ZC3H12B: variants seen among roughly 807,000 people sequenced by gnomAD.
ZC3H12B encodes zinc finger CCCH-type containing 12B.
Under a neutral mutation model 43.9 loss-of-function variants are expected in ZC3H12B, and 7 were observed. The ratio of observed to expected loss-of-function variants is 0.16; its 90% confidence interval spans 0.09 to 0.30. The LOEUF is 0.30. ZC3H12B is among the 10% of genes least tolerant of loss of function. The pLI is 1.00. For synonymous variants in ZC3H12B, 222 were observed against 241.7 expected, an observed-to-expected ratio of 0.92 and a Z score of 0.76; for missense variants, 475 against 670.2, an observed-to-expected ratio of 0.71 and a Z score of 3.22.
the ZC3H12B span, among the ~76,000 whole-genome samples, chrX:65,040,797 G>A: frequency 1.8e-5 from 2 of 111,173 alleles, no homozygotes; most frequent in Non-Finnish European, 3.8e-5. Context: ...TTGGGAGGGG[G>A]GAGTTGAGAC....
chrX:65,423,854 T>C (rs973757364), intron 3 of ZC3H12B, among the ~76,000 whole-genome samples: 3 of 112,249 alleles, frequency 2.7e-5, no homozygotes, highest in African/African-American at 3.2e-5. Flanking sequence ...CTCTTTAGTT[T>C]AATTAGATCC....
intron 3 of ZC3H12B, among the ~76,000 whole-genome samples, chrX:65,435,809 C>A (rs1441218125): frequency 9.0e-6 from 1 of 111,616 alleles, no homozygotes; most frequent in African/African-American, 3.3e-5. Context: ...CCAGAGAAGA[C>A]AATAGGTTAG....
intron 3 of ZC3H12B, among the ~76,000 whole-genome samples, chrX:65,457,903 T>C (rs535118435): frequency 4.9e-5 from 3 of 61,765 alleles, no homozygotes; most frequent in South Asian, 8.7e-4. Flanking sequence ...TCCCTAATCT[T>C]AAGTACCCAG....
chrX:65,035,422 C>T, the ZC3H12B span, among the ~76,000 whole-genome samples: 1 of 112,461 alleles, frequency 8.9e-6, no homozygotes, highest in Non-Finnish European at 1.9e-5. Context: ...AGGTAGTTTT[C>T]CTTCTCATAG....
the ZC3H12B span, chrX:65,330,958 G>T: frequency 3.2e-6 from 1 of 310,758 alleles, no homozygotes; most frequent in Non-Finnish European, 6.4e-6. Flanking sequence ...CTTCTTTCCT[G>T]GGGCAGCCCC....
At chrX:65,363,587 C>T (rs1254828402), upstream of ZC3H12B, among the ~76,000 whole-genome samples, 2 of 111,824 alleles carry the variant, frequency 1.8e-5, no homozygotes, top group Non-Finnish European at 3.8e-5. Context: ...TTAGAGACTG[C>T]TCCCACACTA....
chrX:65,098,485 C>T, the ZC3H12B span, among the ~76,000 whole-genome samples: 5 of 110,340 alleles, frequency 4.5e-5, no homozygotes, highest in African/African-American at 1.6e-4. Context: ...ACTGTCCAGT[C>T]TGCAGCTCCC....
chrX:65,135,823 A>T, the ZC3H12B span, among the ~76,000 whole-genome samples: 1 of 93,013 alleles, frequency 1.1e-5, no homozygotes, highest in African/African-American at 4.2e-5. Context: ...CATCCTCTTC[A>T]TTCTGTTGAG....
the ZC3H12B span, among the ~76,000 whole-genome samples, chrX:65,199,397 T>G: frequency 9.0e-6 from 1 of 110,525 alleles, no homozygotes; most frequent in East Asian, 2.9e-4. Flanking sequence ...TTTTCTGTGT[T>G]ATCTTGAATT....
chrX:65,163,082 G>A, the ZC3H12B span, among the ~76,000 whole-genome samples: 3 of 111,304 alleles, frequency 2.7e-5, no homozygotes, highest in Non-Finnish European at 5.7e-5. Context: ...CAGAACAGCG[G>A]ATTTTTGTGA....
At chrX:65,194,863 A>G in the ZC3H12B span, among the ~76,000 whole-genome samples, 1 of 111,944 alleles carries the variant, frequency 8.9e-6, no homozygotes, top group Non-Finnish European at 1.9e-5. Flanking sequence ...TTGGATGCAT[A>G]TATATTTAAA....
intron 3 of ZC3H12B, among the ~76,000 whole-genome samples, chrX:65,474,861 C>A (rs2067971954): frequency 8.9e-6 from 1 of 112,497 alleles, no homozygotes; most frequent in African/African-American, 3.2e-5. Flanking sequence ...CCTGCCTTGG[C>A]ATCCCAAAAT....
the ZC3H12B span, among the ~76,000 whole-genome samples, chrX:65,361,223 G>C: frequency 6.2e-4 from 70 of 112,156 alleles, no homozygotes; most frequent in African/African-American, 2.0e-3. Flanking sequence ...TTCTTGGAAG[G>C]TTCATTTGTG....
chrX:65,207,269 C>A, the ZC3H12B span, among the ~76,000 whole-genome samples: 1 of 108,207 alleles, frequency 9.2e-6, no homozygotes, highest in Non-Finnish European at 1.9e-5. Flanking sequence ...CACACACACA[C>A]ACACATACAC....
chrX:65,227,532 C>G, the ZC3H12B span, among the ~76,000 whole-genome samples: 1 of 110,865 alleles, frequency 9.0e-6, no homozygotes, highest in African/African-American at 3.3e-5. Flanking sequence ...TAACTAAAAT[C>G]AGAGCAGAAC....
chrX:65,198,838 T>C, the ZC3H12B span, among the ~76,000 whole-genome samples: 1 of 111,739 alleles, frequency 8.9e-6, no homozygotes, highest in Non-Finnish European at 1.9e-5. Flanking sequence ...AACTTTGTTT[T>C]TTCTTTTTGA....
At chrX:65,364,141 T>A (rs1230960473), upstream of ZC3H12B, among the ~76,000 whole-genome samples, 1 of 111,079 alleles carries the variant, frequency 9.0e-6, no homozygotes, top group Non-Finnish European at 1.9e-5. Flanking sequence ...AAAGGCAGGC[T>A]ATGTTATAGT....
chrX:65,040,967 C>G, the ZC3H12B span, among the ~76,000 whole-genome samples: 9 of 111,295 alleles, frequency 8.1e-5, no homozygotes, highest in Non-Finnish European at 1.5e-4. Context: ...CAGTAGAGAC[C>G]GGGTTTCACC....
the ZC3H12B span, among the ~76,000 whole-genome samples, chrX:65,249,290 C>A: frequency 8.9e-6 from 1 of 111,842 alleles, no homozygotes; most frequent in Non-Finnish European, 1.9e-5. Context: ...ATTCTACATG[C>A]GGCTAGCCAA....
Sources: gnomAD v4.1 joint callset for allele counts (sites outside exome capture counted in the v4.1 genomes callset) on GRCh38, gnomAD v4.1.1 for gene constraint, MANE v1.5 for transcripts, NCBI Gene and HGNC (gene_info 2026-07-23, HGNC 2026-07-21) for gene names.